VGLL4: variants seen among roughly 807,000 people sequenced by gnomAD.
VGLL4 encodes the protein transcription cofactor vestigial-like protein 4.
In VGLL4, 7 loss-of-function variants were observed where a neutral mutation model predicts 21.0. The ratio of observed to expected loss-of-function variants is 0.33; its 90% CI spans 0.19 to 0.63. VGLL4 has a LOEUF of 0.63. VGLL4 is among the 20% of genes least tolerant of loss of function. The pLI is 0.78. For missense variants in VGLL4, 394 were observed against 425.7 expected (o/e 0.93, Z 0.66); for synonymous variants, 222 against 173.2 (o/e 1.28, Z -2.21).
chr3:11,692,181 G>T (rs1048730305), intron 2 of VGLL4, among the ~76,000 whole-genome samples: 1 of 152,170 alleles, frequency 6.6e-6, no homozygotes, highest in African/African-American at 2.4e-5. Context: ...TTCAGTGGAA[G>T]AATCTATTTT....
At chr3:11,692,422 G>A (rs918197617) in intron 2 of VGLL4, among the ~76,000 whole-genome samples, 1 of 152,200 alleles carries the variant, frequency 6.6e-6, no homozygotes, top group Admixed American at 6.5e-5. Flanking sequence ...GATGTTTTAT[G>A]AAGCCTTTTG....
intron 2 of VGLL4, among the ~76,000 whole-genome samples, chr3:11,678,873 C>T (rs1017835879): frequency 6.6e-6 from 1 of 152,132 alleles, no homozygotes; most frequent in Non-Finnish European, 1.5e-5. Context: ...GCATATGCCA[C>T]GGTGGTTCCA....
At chr3:11,601,751 T>C in intron 2 of VGLL4, 82 bp downstream of exon 2, 1 of 1,454,544 alleles carries the variant, frequency 6.9e-7, no homozygotes, top group South Asian at 1.2e-5. Context: ...AATGATAACA[T>C]CAGAATTAGC....
At chr3:11,558,950 G>T in intron 4 of VGLL4, 123 bp from the exon 5 acceptor site, 1 of 1,222,474 alleles carries the variant, frequency 8.2e-7, no homozygotes, top group Non-Finnish European at 1.1e-6. Context: ...CGTGGGCTCT[G>T]CAGACAGAAC....
intron 2 of VGLL4, among the ~76,000 whole-genome samples, chr3:11,571,934 C>T (rs2073793203): frequency 6.6e-6 from 1 of 152,202 alleles, no homozygotes; most frequent in Non-Finnish European, 1.5e-5. Context: ...TGGCAAAACC[C>T]TGTCTCTACT....
rs377301259 is a variant in VGLL4, at chr3:11,662,032, G to C, written c.64+40939C>G. ...ATCCCAGTGATTGGCTCAAGAAGGA[G>C]CACATGACTCACAGACATTAGCTGC... On this transcript the variant is annotated intron_variant, in intron 2 of 5. Transcript: ENST00000273038. Among the ~76,000 whole-genome samples the C allele has an allele frequency of 3.9e-5, 6 of 152,304 alleles. No individual in the cohort carries two copies. In the South Asian group the frequency reaches 8.3e-4, roughly 21 times the overall value.
chr3:11,694,504 C>T, intron 2 of VGLL4, among the ~76,000 whole-genome samples: 1 of 143,928 alleles, frequency 6.9e-6, no homozygotes, highest in South Asian at 2.4e-4. Context: ...TGCCTATAAT[C>T]CCAGCTACTG....
At chr3:11,708,891 G>C (rs2076798651) in intron 1 of VGLL4, among the ~76,000 whole-genome samples, 1 of 151,932 alleles carries the variant, frequency 6.6e-6, no homozygotes. Context: ...GTGAAACTCA[G>C]TCTCTACTAA....
chr3:11,586,328 T>TA (rs1479456312), intron 2 of VGLL4, among the ~76,000 whole-genome samples: 1 of 152,128 alleles, frequency 6.6e-6, no homozygotes, highest in Non-Finnish European at 1.5e-5. Context: ...TTCTCCAAAA[T>TA]AAAAAGTATC....
chr3:11,677,703 A>G (rs886625365), intron 2 of VGLL4, among the ~76,000 whole-genome samples: 5 of 152,002 alleles, frequency 3.3e-5, no homozygotes, highest in African/African-American at 1.2e-4. Flanking sequence ...CACTTTGGGA[A>G]GCTGAGGTGG....
intron 2 of VGLL4, among the ~76,000 whole-genome samples, chr3:11,651,195 T>G (rs2075866464): frequency 6.6e-6 from 1 of 151,846 alleles, no homozygotes; most frequent in African/African-American, 2.4e-5. Flanking sequence ...ACAAAAAAAT[T>G]AGCCAAGTGT....
chr3:11,582,416 G>A, intron 2 of VGLL4: 1 of 1,530,412 alleles, frequency 6.5e-7, no homozygotes, highest in Non-Finnish European at 8.8e-7. Flanking sequence ...CAGAATAAAA[G>A]TCCTCCCTGA....
At chr3:11,664,933 A>AT (rs200172094) in intron 2 of VGLL4, among the ~76,000 whole-genome samples, 1,588 of 145,538 alleles carry the variant, frequency 0.011, 25 homozygotes, top group African/African-American at 0.032. Context: ...TCTTTTCTCT[A>AT]TTTTTTTTTT....
At chr3:11,595,409 A>G (rs1049638178) in intron 2 of VGLL4, among the ~76,000 whole-genome samples, 1 of 152,198 alleles carries the variant, frequency 6.6e-6, no homozygotes, top group Non-Finnish European at 1.5e-5. Context: ...TAGTTCAACC[A>G]CTGTGGAAGT....
chr3:11,656,680 G>A (rs1204653436), intron 2 of VGLL4, among the ~76,000 whole-genome samples: 1 of 152,208 alleles, frequency 6.6e-6, no homozygotes, highest in East Asian at 1.9e-4. Context: ...CCACAGCAAA[G>A]CAGGCCACTC....
At chr3:11,698,195 T>C (rs2076631045) in intron 2 of VGLL4, among the ~76,000 whole-genome samples, 1 of 152,188 alleles carries the variant, frequency 6.6e-6, no homozygotes, top group South Asian at 2.1e-4. Context: ...TTCATCAATT[T>C]ACCCTATGAA....
At chr3:11,573,304 AAAGG>A (rs1559870042) in intron 2 of VGLL4, among the ~76,000 whole-genome samples, 1 of 12,072 alleles carries the variant, frequency 8.3e-5, no homozygotes, top group African/African-American at 5.1e-4. Context: ...AGAAAGAAAG[AAAGG>A]AAGGAAGGAA....
intron 2 of VGLL4, among the ~76,000 whole-genome samples, chr3:11,577,890 T>C (rs1475772247): frequency 6.6e-6 from 1 of 152,204 alleles, no homozygotes; most frequent in Non-Finnish European, 1.5e-5. Flanking sequence ...TATGTCAACC[T>C]TGCCATGCCC....
intron 2 of VGLL4, among the ~76,000 whole-genome samples, chr3:11,676,215 G>A (rs1033244866): frequency 4.6e-5 from 7 of 151,870 alleles, no homozygotes; most frequent in Admixed American, 2.6e-4. Context: ...GTGAAACCCC[G>A]TCTCTACTAA....
Sources: gnomAD v4.1 joint callset for allele counts (sites outside exome capture counted in the v4.1 genomes callset) on GRCh38, gnomAD v4.1.1 for gene constraint, MANE v1.5 for transcripts, NCBI Gene and HGNC (gene_info 2026-07-23, HGNC 2026-07-21) for gene names.